EXOC2: variants seen among roughly 807,000 people sequenced by gnomAD.
The protein encoded by EXOC2 is exocyst complex component 2, also known as SEC5-like 1.
A neutral mutation model predicts 131.8 loss-of-function variants in EXOC2; 70 were observed. The observed-to-expected ratio is 0.53, with a 90% CI of 0.44 to 0.65. The LOEUF (loss-of-function observed/expected upper bound fraction) is 0.65. Ranked by LOEUF, EXOC2 falls within the 30% of genes least tolerant of loss-of-function variation. EXOC2 has a pLI of 0.00. For missense variants in EXOC2, 923 were observed against 1,108.6 expected, an observed-to-expected ratio of 0.83 and a Z score of 2.38; for synonymous variants, 411 against 398.4, an observed-to-expected ratio of 1.03 and a Z score of -0.38.
chr6:593,695 C>G (rs927557819), intron 10 of EXOC2, among the ~76,000 whole-genome samples: 6 of 152,168 alleles, frequency 3.9e-5, no homozygotes, highest in African/African-American at 1.4e-4. Context: ...GTTGTTAAGC[C>G]ATATGCCATT....
chr6:490,238 A>G (rs1763348367), intron 26 of EXOC2, among the ~76,000 whole-genome samples: 1 of 152,214 alleles, frequency 6.6e-6, no homozygotes, highest in Non-Finnish European at 1.5e-5. Context: ...AACTTCCTCT[A>G]TAGATGAGTA....
intron 11 of EXOC2, among the ~76,000 whole-genome samples, chr6:584,231 A>G (rs955816866): frequency 5.9e-5 from 9 of 152,222 alleles, no homozygotes; most frequent in African/African-American, 1.9e-4. Flanking sequence ...AATCTCGCAT[A>G]CAGGAAGTCT....
chr6:579,952 T>C (rs1758794860), intron 11 of EXOC2, among the ~76,000 whole-genome samples: 1 of 152,132 alleles, frequency 6.6e-6, no homozygotes, highest in East Asian at 1.9e-4. Flanking sequence ...CACATATCAG[T>C]CTATTTTGTT....
intron 3 of EXOC2, among the ~76,000 whole-genome samples, chr6:631,906 T>C (rs1259431473): frequency 6.6e-6 from 1 of 152,226 alleles, no homozygotes; most frequent in Non-Finnish European, 1.5e-5. Flanking sequence ...ATCTAGGAAT[T>C]TGTGGAGAAC....
chr6:593,738 G>C (rs1328387097), intron 10 of EXOC2, among the ~76,000 whole-genome samples: 1 of 152,160 alleles, frequency 6.6e-6, no homozygotes, highest in Non-Finnish European at 1.5e-5. Context: ...TTTGTTCAGT[G>C]GTAAATCATC....
intron 23 of EXOC2, among the ~76,000 whole-genome samples, chr6:526,174 C>A (rs561971524): frequency 2.6e-4 from 39 of 152,184 alleles, no homozygotes; most frequent in South Asian, 1.0e-3. Flanking sequence ...TATAGATGGG[C>A]CAATTTACAC....
At chr6:598,738 T>C (rs1275843717) in intron 9 of EXOC2, 122 bp downstream of exon 9, 4 of 689,168 alleles carry the variant, frequency 5.8e-6, no homozygotes, top group East Asian at 2.9e-5. Flanking sequence ...TTGCTTTACA[T>C]TGTAAAGAGA....
intron 22 of EXOC2, among the ~76,000 whole-genome samples, chr6:547,050 C>A (rs1303364035): frequency 6.6e-6 from 1 of 152,198 alleles, no homozygotes; most frequent in East Asian, 1.9e-4. Flanking sequence ...CAGGTCAAGT[C>A]CTTGACCTCT....
chr6:633,164 T>C, intron 2 of EXOC2, 47 bp from the exon 3 acceptor site: 1 of 1,588,882 alleles, frequency 6.3e-7, no homozygotes, highest in Non-Finnish European at 8.6e-7. Flanking sequence ...ACAAGAACAA[T>C]AAGACCTTAA....
chr6:550,887 G>A (rs1463821382), intron 21 of EXOC2, among the ~76,000 whole-genome samples: 1 of 152,166 alleles, frequency 6.6e-6, no homozygotes. Context: ...TTATCTAGCA[G>A]ACCTGAGCCT....
rs1763662431 is a variant in EXOC2 at position 667,110 on chromosome 6, GTCAGA to G, written c.-44+25904_-44+25908del. On this transcript the variant is annotated intron_variant, in intron 1 of 27. Transcript: ENST00000230449. Reference sequence around the variant, plus strand: ...TATTCTTCAGAACAAACAGTTGTCTGTCAGATCAATTAATAAGAAAAACTAAAAAC... The same window carrying G: ...TATTCTTCAGAACAAACAGTTGTCTGTCAATTAATAAGAAAAACTAAAAAC... 2.1e-5 allele frequency among the ~76,000 whole-genome samples: 2 copies of G among 96,932 alleles called. 1 individual carries two copies. Among genetic ancestry groups the G allele is most frequent in the Admixed American group, 2.3e-4 (2 of 8,574 alleles). The allele number at this position is 96,932 out of a possible 152,430, so 63.6% of individuals were successfully genotyped here. A position where few individuals can be genotyped will look rare whatever the true frequency, so the allele number is the denominator to read the frequency against.
chr6:486,689 T>G lies in EXOC2; in HGVS notation c.2757A>C (p.Ser919=). ...CAGATATTTATGTTTTCATCATGGTTGAAGAAGCTGCTTGGAAACAGGTGA... is the reference window on the plus strand; with the variant it reads ...CAGATATTTATGTTTTCATCATGGTGGAAGAAGCTGCTTGGAAACAGGTGA... The part of the protein sequence containing the change: ...LQLTCFQAAS[S]TMMKT The change falls in exon 28 of 28, where the codon TCA becomes TCC. Residue 919 remains serine, a synonymous_variant. Coordinates refer to ENST00000230449, the MANE Select transcript of EXOC2 (RefSeq NM_018303.6). The G allele has an allele frequency of 1.2e-6, 2 of 1,614,194 alleles. No individual in the cohort carries two copies. The highest frequency in any genetic ancestry group is 8.5e-7 in the Non-Finnish European group (1 of 1,180,008).
intron 1 of EXOC2, chr6:657,031 C>A: frequency 9.2e-7 from 1 of 1,083,784 alleles, no homozygotes; most frequent in Non-Finnish European, 1.3e-6. Context: ...CGTGGCGCTG[C>A]CCTCCCCGCC....
chr6:557,816 C>T (rs887319863), intron 17 of EXOC2, among the ~76,000 whole-genome samples: 7 of 152,006 alleles, frequency 4.6e-5, no homozygotes, highest in Non-Finnish European at 7.4e-5. Context: ...AGTGTACCCA[C>T]CCCGCAGAGT....
rs1239565961 is a variant in EXOC2, at chr6:667,799, C to T, written c.-44+25220G>A. The stretch of plus-strand genomic sequence containing the variant: ...TCTCTGATTCTGTGGCTTGCCGACG[C>T]CTGTCATGGGACTTCTCAGCCTCCA... On this transcript the variant is annotated intron_variant, in intron 1 of 27. Coordinates refer to ENST00000230449, the MANE Select transcript of EXOC2 (RefSeq NM_018303.6). Among the ~76,000 whole-genome samples, 3 of 30,810 alleles carry T rather than the reference C, an allele frequency of 9.7e-5. 1 individual carries two copies. Among genetic ancestry groups the T allele is most frequent in the African/African-American group, 2.0e-4 (3 of 14,758 alleles). 20.2% of individuals were successfully genotyped at this position (30,810 alleles called of 152,430 possible).
chr6:562,886 C>T, intron 16 of EXOC2, 41 bp from the exon 17 acceptor site: 1 of 1,420,408 alleles, frequency 7.0e-7, no homozygotes, highest in Non-Finnish European at 9.6e-7. Context: ...TTATAATTAT[C>T]TCACTAAATT....
chr6:663,793 T>C (rs1007198481), intron 1 of EXOC2, among the ~76,000 whole-genome samples: 2 of 152,168 alleles, frequency 1.3e-5, no homozygotes, highest in Admixed American at 6.5e-5. Flanking sequence ...TACCTTAATG[T>C]AATAAAAGCC....
chr6:624,188 G>A (rs1165909689), intron 4 of EXOC2, among the ~76,000 whole-genome samples: 1 of 152,064 alleles, frequency 6.6e-6, no homozygotes, highest in Non-Finnish European at 1.5e-5. Flanking sequence ...CAATGCCAGA[G>A]TCCATGAAGC....
intron 11 of EXOC2, among the ~76,000 whole-genome samples, chr6:587,691 C>T (rs1759294776): frequency 6.6e-6 from 1 of 152,222 alleles, no homozygotes; most frequent in Non-Finnish European, 1.5e-5. Context: ...AGGAAACGTT[C>T]TGTCCGCGTC....
Sources: gnomAD v4.1 joint callset for allele counts (sites outside exome capture counted in the v4.1 genomes callset) on GRCh38, gnomAD v4.1.1 for gene constraint, MANE v1.5 for transcripts, NCBI Gene and HGNC (gene_info 2026-07-23, HGNC 2026-07-21) for gene names.